The following NOTCH1 variants were observed in gnomAD, a reference collection of about 807,000 sequenced individuals.
The protein encoded by NOTCH1 is notch receptor 1, also known as neurogenic locus notch homolog protein 1.
In NOTCH1, 37 loss-of-function variants were observed where a neutral mutation model predicts 254.8. That is an observed-to-expected ratio of 0.15 (90% CI 0.11 to 0.19). The LOEUF is 0.19. Among genes scored for constraint, NOTCH1 ranks in the 10% least tolerant of loss-of-function variants. The pLI, the probability that NOTCH1 is intolerant of heterozygous loss-of-function variation, is 1.00. For missense variants in NOTCH1, 2,972 were observed against 3,708.6 expected (o/e 0.80, Z 5.16); for synonymous variants, 1,731 against 1,618.1 (o/e 1.07, Z -1.68).
At position 136,503,189 on chromosome 9, in the gene NOTCH1, G is replaced by A. The variant is rs780625273; in HGVS notation, c.5160C>T (p.Ala1720=). Residue 1720 remains alanine (A), a synonymous_variant, in exon 27 of 34, where the codon GCC becomes GCT. Coordinates refer to ENST00000651671, the MANE Select transcript of NOTCH1 (RefSeq NM_017617.5). ...GSLNIPYKIE[A]VQSETVEPPP... ...GGATGGGGCCACACTTACTCTGCAC[G>A]GCCTCGATCTTGTAGGGGATGTTGA... is the stretch of plus-strand genomic sequence containing the variant. 10 of 1,612,674 alleles carry A rather than the reference G, an allele frequency of 6.2e-6. No individual in the cohort carries two copies. The highest frequency in any genetic ancestry group is 5.0e-5 in the Admixed American group (3 of 60,002).
Position 136,501,923 on chromosome 9 carries a change from G to C in NOTCH1, c.5473-10C>G, listed in dbSNP as rs1226558286. 2 of 1,611,514 alleles carry C rather than the reference G, an allele frequency of 1.2e-6. No homozygotes were observed. The highest frequency in any genetic ancestry group is 4.5e-5 in the East Asian group (2 of 44,870). Reference sequence around the variant, plus strand: ...CCACGGGCTCCTCGAACTACATAGAGGGAGTGAGCAGAGCCTGTCAGGGCA... The same window carrying C: ...CCACGGGCTCCTCGAACTACATAGACGGAGTGAGCAGAGCCTGTCAGGGCA... On this transcript the variant is annotated splice_polypyrimidine_tract_variant and intron_variant, in intron 29 of 33. Transcript: ENST00000651671.
chr9:136,510,530 C>T (rs1843162267), intron 17 of NOTCH1, 123 bp downstream of exon 17: 24 of 1,344,770 alleles, frequency 1.8e-5, no homozygotes, highest in Non-Finnish European at 2.3e-5. Context: ...CTGACCCAAC[C>T]CTCCCCGGCC....
intron 21 of NOTCH1, 112 bp from the exon 22 acceptor site, chr9:136,507,549 G>A: frequency 6.9e-7 from 1 of 1,441,136 alleles, no homozygotes; most frequent in Non-Finnish European, 9.5e-7. Flanking sequence ...CTCAGGTCCA[G>A]CGAAGCCACG....
rs375436198 is a variant in NOTCH1, at chr9:136,497,573, C to T, written c.6181-15G>A. On this transcript the variant is annotated splice_polypyrimidine_tract_variant and intron_variant, in intron 33 of 33. Transcript: ENST00000651671. ...GGTGTCTCCTCCTGGGGGATGAGGG[C>T]GGGGGCCGGTGAGGGGGGCCAGGCC... 34 of 1,269,948 alleles carry T rather than the reference C, an allele frequency of 2.7e-5. No homozygotes were observed. The highest frequency in any genetic ancestry group is 1.4e-4 in the Admixed American group (7 of 51,722). 78.7% of individuals were successfully genotyped at this position (1,269,948 alleles called of 1,614,324 possible). A position where few individuals can be genotyped will look rare whatever the true frequency, so the allele number is the denominator to read the frequency against.
chr9:136,515,762 C>T (rs1166266155), intron 10 of NOTCH1, 46 bp from the exon 11 acceptor site: 2 of 1,493,142 alleles, frequency 1.3e-6, no homozygotes, highest in African/African-American at 1.4e-5. Flanking sequence ...GGACTGGCGG[C>T]CCCCGGGACA....
intron 17 of NOTCH1, chr9:136,510,431 G>A (rs762088304): frequency 7.5e-5 from 47 of 624,342 alleles, no homozygotes; most frequent in Non-Finnish European, 1.1e-4. Flanking sequence ...AGGGGCTCTC[G>A]TGACTCTTCC....
At position 136,514,634 on chromosome 9, in the gene NOTCH1, C is replaced by A. The variant is rs767162403; in HGVS notation, c.2083G>T (p.Asp695Tyr). 4 of 1,612,078 alleles carry A rather than the reference C, an allele frequency of 2.5e-6. No homozygotes were observed. The highest frequency in any genetic ancestry group is 1.1e-5 in the South Asian group (1 of 90,890). Residue 695 changes from aspartate (D) to tyrosine (Y), a missense_variant, in exon 13 of 34, where the codon GAC becomes TAC. Physicochemically the swap from Asp to Tyr is radical, Grantham distance 160. This residue lies in a region of NOTCH1 where 1,343 missense variants were observed against 1,557.0 expected (regional missense o/e 0.86). Coordinates refer to ENST00000651671, the MANE Select transcript of NOTCH1 (RefSeq NM_017617.5). ...NPCHNGGTCE[D>Y]GINGFTCRCP... Reference sequence around the variant, plus strand: ...CGGCAGGTGAAGCCATTGATGCCGTCCTCGCAGGTGCCCCCGTTGTGGCAG... The same window carrying A: ...CGGCAGGTGAAGCCATTGATGCCGTACTCGCAGGTGCCCCCGTTGTGGCAG...
chr9:136,503,386 C>T (rs1480919032), intron 26 of NOTCH1, 56 bp from the exon 27 acceptor site: 2 of 1,610,290 alleles, frequency 1.2e-6, no homozygotes, highest in East Asian at 2.2e-5. Flanking sequence ...CCCCCGCCCA[C>T]CGGCCAGGGA....
chr9:136,505,921 A>G, intron 24 of NOTCH1, 40 bp from the exon 25 acceptor site: 1 of 1,489,588 alleles, frequency 6.7e-7, no homozygotes, highest in Non-Finnish European at 9.0e-7. Flanking sequence ...GGGGTGGGCC[A>G]CCCCCCGCCC....
chr9:136,545,169 A>C lies in NOTCH1; in HGVS notation c.61+557T>G, dbSNP rs1470242834. On this transcript the variant is annotated intron_variant, in intron 1 of 33. Coordinates refer to ENST00000651671, the MANE Select transcript of NOTCH1 (RefSeq NM_017617.5). The surrounding 1 kb of genome is among the most constrained non-coding windows in gnomAD (Gnocchi z 6.8). ...TACGCAACCCCTCCCCCAAACTGAG[A>C]GCCGGGCTGGGGGGCACCGGCGGGC... is the stretch of plus-strand genomic sequence containing the variant. Among the ~76,000 whole-genome samples, 3 of 150,616 alleles carry C rather than the reference A, an allele frequency of 2.0e-5. No individual in the cohort carries two copies. The highest frequency in any genetic ancestry group is 2.1e-4 in the South Asian group (1 of 4,736).
chr9:136,537,288 G>A (rs868819635), intron 2 of NOTCH1, among the ~76,000 whole-genome samples: 4 of 152,226 alleles, frequency 2.6e-5, no homozygotes, highest in Non-Finnish European at 5.9e-5. Context: ...GTCCTCAGAA[G>A]AATGCAGTTC....
In NOTCH1 at chr9:136,504,738, C is replaced by A. The variant is rs761306198; in HGVS notation, c.4953G>T (p.Ser1651=). 1.7e-5 allele frequency: 26 copies of A among 1,544,762 alleles called. No individual in the cohort carries two copies. In the African/African-American group the frequency reaches 3.4e-4, roughly 20 times the overall value. Residue 1651 remains serine, a synonymous_variant, in exon 26 of 34, where the codon TCG becomes TCT. Coordinates refer to ENST00000651671, the MANE Select transcript of NOTCH1 (RefSeq NM_017617.5). Reference sequence around the variant, plus strand: ...CACCCTCGCTGCCACCAGGGAGCAGCGAGGCCTTCACCTGGCCCAGCAGGG... The same window carrying A: ...CACCCTCGCTGCCACCAGGGAGCAGAGAGGCCTTCACCTGGCCCAGCAGGG... The part of the protein sequence containing the change: ...PDALLGQVKA[S]LLPGGSEGGR...
At chr9:136,511,007 G>C in intron 16 of NOTCH1, 145 bp downstream of exon 16, 1 of 1,424,052 alleles carries the variant, frequency 7.0e-7, no homozygotes. Flanking sequence ...GTCAATTCCT[G>C]ATTCCAGAAC....
At chr9:136,531,309 C>G (rs1843554750) in intron 2 of NOTCH1, among the ~76,000 whole-genome samples, 1 of 152,254 alleles carries the variant, frequency 6.6e-6, no homozygotes, top group Admixed American at 6.5e-5. Context: ...GCCCAGCACA[C>G]CACCCGGATC....
intron 4 of NOTCH1, 86 bp downstream of exon 4, chr9:136,522,764 G>A (rs1048404038): frequency 1.6e-6 from 2 of 1,288,478 alleles, no homozygotes; most frequent in Non-Finnish European, 2.1e-6. Flanking sequence ...TCCCAGGGCT[G>A]CCCCTACACC....
In NOTCH1 at chr9:136,496,307, C is replaced by T. The variant is rs779039862; in HGVS notation, c.7432G>A (p.Ala2478Thr). Residue 2478 changes from alanine (A) to threonine (T), a missense_variant, in exon 34 of 34, where the codon GCA (alanine) becomes ACA (threonine). Ala to Thr is a moderately conservative substitution (Grantham distance 58). Around this residue, in one of 8 missense-constraint regions of NOTCH1, gnomAD observed 85 missense variants for 126.1 expected, o/e 0.67. Coordinates refer to ENST00000651671, the MANE Select transcript of NOTCH1 (RefSeq NM_017617.5). ...LPSSLVPPVTAAQFLTPPSQH... is the reference protein window; with the variant it reads ...LPSSLVPPVTTAQFLTPPSQH... ...GAGGGGGGCGTCAGGAACTGGGCTGCGGTCACGGGTGGGACCAGCGAGGAT... is the reference window on the plus strand; with the variant it reads ...GAGGGGGGCGTCAGGAACTGGGCTGTGGTCACGGGTGGGACCAGCGAGGAT... 27 of 1,594,840 alleles carry T rather than the reference C, an allele frequency of 1.7e-5. No individual in the cohort carries two copies. The highest frequency in any genetic ancestry group is 2.3e-5 in the East Asian group (1 of 44,258).
chr9:136,507,689 G>A (rs916967111), intron 21 of NOTCH1, among the ~76,000 whole-genome samples: 20 of 152,168 alleles, frequency 1.3e-4, no homozygotes, highest in African/African-American at 4.8e-4. Context: ...GAGGGCCTCA[G>A]GGTAGGTGTT....
intron 27 of NOTCH1, 200 bp downstream of exon 27, chr9:136,502,982 G>A: frequency 1.3e-6 from 1 of 753,450 alleles, no homozygotes; most frequent in Non-Finnish European, 2.3e-6. Flanking sequence ...TCGTTCCCAG[G>A]TGGCTCCACC....
rs746911737 is a variant in NOTCH1, at chr9:136,502,093, G to GGGGTGAGGGGTCGAGAAGTGA, written c.5385-26_5385-6dup. On this transcript the variant is annotated splice_polypyrimidine_tract_variant and splice_region_variant and intron_variant, in intron 28 of 33. Coordinates refer to ENST00000651671, the MANE Select transcript of NOTCH1 (RefSeq NM_017617.5). The stretch of plus-strand genomic sequence containing the variant: ...TCTGAAGCGTTCTTCAGGGGCCTGG[G>GGGGTGAGGGGTCGAGAAGTGA]GGGTGAGGGGTCGAGAAGTGAGGCT... 4 of 1,613,002 alleles carry GGGGTGAGGGGTCGAGAAGTGA rather than the reference G, an allele frequency of 2.5e-6. No homozygotes were observed. The South Asian group carries it at 4.4e-5, about 18-fold the overall frequency.
Sources: gnomAD v4.1 joint callset for allele counts (sites outside exome capture counted in the v4.1 genomes callset) on GRCh38, gnomAD v4.1.1 for gene constraint, gnomAD v4.1.1 regional missense constraint, Gnocchi (gnomAD v3.1) non-coding constraint, MANE v1.5 for transcripts, NCBI Gene and HGNC (gene_info 2026-07-23, HGNC 2026-07-21) for gene names.